HDAC8: variants seen among roughly 807,000 people sequenced by gnomAD.
HDAC8 encodes the protein histone deacetylase 8, also known as histone deacetylase-like 1.
A neutral mutation model predicts 32.2 loss-of-function variants in HDAC8; 1 was observed. The ratio of observed to expected loss-of-function variants is 0.03; its 90% CI spans 0.01 to 0.15. The LOEUF (loss-of-function observed/expected upper bound fraction) is 0.15, where lower values mean the gene tolerates loss of function less well. Ranked by LOEUF, HDAC8 falls within the 10% of genes least tolerant of loss-of-function variation. The pLI is 1.00. For synonymous variants in HDAC8, 108 were observed against 113.9 expected, an observed-to-expected ratio of 0.95 and a Z score of 0.33; for missense variants, 117 against 300.0, an observed-to-expected ratio of 0.39 and a Z score of 4.51.
At chrX:72,496,905 A>T (rs2049042263) in intron 4 of HDAC8, among the ~76,000 whole-genome samples, 1 of 112,153 alleles carries the variant, frequency 8.9e-6, no homozygotes, top group African/African-American at 3.2e-5. Flanking sequence ...CTCATTGACA[A>T]CATTGAGATT....
At chrX:72,525,048 C>T (rs1358528795) in intron 4 of HDAC8, among the ~76,000 whole-genome samples, 6 of 111,871 alleles carry the variant, frequency 5.4e-5, no homozygotes, top group Non-Finnish European at 1.9e-5. Context: ...GCGCAGTTCA[C>T]AATACACTTG....
At chrX:72,342,652 A>G (rs2043917020) in intron 10 of HDAC8, among the ~76,000 whole-genome samples, 1 of 112,090 alleles carries the variant, frequency 8.9e-6, no homozygotes, top group Non-Finnish European at 1.9e-5. Flanking sequence ...CACAAGAAAA[A>G]AATGCTTAAT....
chrX:72,443,609 C>T (rs1480060754), intron 9 of HDAC8, among the ~76,000 whole-genome samples: 4 of 111,065 alleles, frequency 3.6e-5, no homozygotes, highest in African/African-American at 9.9e-5. Context: ...GACACCCTAA[C>T]ATCACAATTA....
chrX:72,335,373 G>A (rs1487952515), intron 10 of HDAC8, among the ~76,000 whole-genome samples: 2 of 111,793 alleles, frequency 1.8e-5, no homozygotes, highest in African/African-American at 3.3e-5. Flanking sequence ...ACTGAAGCCC[G>A]GCAACCATCA....
intron 9 of HDAC8, among the ~76,000 whole-genome samples, chrX:72,363,574 T>C (rs782150791): frequency 9.2e-6 from 1 of 108,609 alleles, no homozygotes; most frequent in Admixed American, 9.8e-5. Flanking sequence ...CCAATGAACT[T>C]TTTTTTTTTC....
At chrX:72,372,438 G>T (rs2044908425) in intron 9 of HDAC8, among the ~76,000 whole-genome samples, 2 of 111,413 alleles carry the variant, frequency 1.8e-5, no homozygotes, top group African/African-American at 3.3e-5. Context: ...CTAGAACACA[G>T]TAGGGATCCT....
intron 9 of HDAC8, among the ~76,000 whole-genome samples, chrX:72,353,830 A>G (rs1555949640): frequency 8.9e-6 from 1 of 111,994 alleles, no homozygotes; most frequent in African/African-American, 3.2e-5. Context: ...TCAACGTGCT[A>G]TAAAGATCAG....
At chrX:72,495,594 C>A (rs1556012582) in intron 4 of HDAC8, among the ~76,000 whole-genome samples, 1 of 111,295 alleles carries the variant, frequency 9.0e-6, no homozygotes, top group Non-Finnish European at 1.9e-5. Flanking sequence ...ATTTGTATAC[C>A]CTGGGGTCAT....
intron 5 of HDAC8, among the ~76,000 whole-genome samples, chrX:72,491,830 A>C (rs1031381462): frequency 8.9e-6 from 1 of 111,832 alleles, no homozygotes; most frequent in African/African-American, 3.2e-5. Flanking sequence ...ACATATAGTC[A>C]CACTATGTTC....
At chrX:72,366,384 C>T (rs1372271529) in intron 9 of HDAC8, among the ~76,000 whole-genome samples, 1 of 111,900 alleles carries the variant, frequency 8.9e-6, no homozygotes, top group African/African-American at 3.3e-5. Context: ...GTGTCTCTCC[C>T]CACTCCTCTT....
At chrX:72,338,350 G>T (rs1174091061) in intron 10 of HDAC8, among the ~76,000 whole-genome samples, 2 of 110,737 alleles carry the variant, frequency 1.8e-5, no homozygotes, top group Non-Finnish European at 3.8e-5. Context: ...GAGGCTTAAA[G>T]CTTGGTCATT....
At chrX:72,474,685 G>A (rs781790535) in intron 7 of HDAC8, 20 of 1,203,116 alleles carry the variant, frequency 1.7e-5, no homozygotes, top group African/African-American at 1.2e-4. Flanking sequence ...GACAAGCTGC[G>A]GCAGCTGCTT....
intron 9 of HDAC8, among the ~76,000 whole-genome samples, chrX:72,400,281 G>T (rs1458281513): frequency 1.8e-5 from 2 of 111,691 alleles, no homozygotes; most frequent in Non-Finnish European, 3.8e-5. Flanking sequence ...TCCCAATTTT[G>T]TAATGCTAGT....
intron 9 of HDAC8, among the ~76,000 whole-genome samples, chrX:72,374,993 A>T (rs1352851156): frequency 2.7e-5 from 3 of 109,560 alleles, no homozygotes; most frequent in East Asian, 2.9e-4. Flanking sequence ...TAATTTTTAA[A>T]TTTTTTGTAG....
chrX:72,462,321 G>A (rs1359208120), intron 8 of HDAC8: 1 of 329,593 alleles, frequency 3.0e-6, no homozygotes, highest in Non-Finnish European at 5.3e-6. Context: ...TCCAAGGTCT[G>A]CAAAGATTAA....
At chrX:72,495,984 T>G (rs1291129402) in intron 4 of HDAC8, among the ~76,000 whole-genome samples, 16 of 112,062 alleles carry the variant, frequency 1.4e-4, no homozygotes, top group African/African-American at 5.2e-4. Context: ...TTTAACCCCT[T>G]GTCAAGGTTA....
chrX:72,365,535 G>A (rs1231685020), intron 9 of HDAC8, among the ~76,000 whole-genome samples: 2 of 111,388 alleles, frequency 1.8e-5, no homozygotes, highest in African/African-American at 6.5e-5. Flanking sequence ...GGAGATGGGA[G>A]GCAATTGAAC....
chrX:72,411,770 A>G (rs1489254392), intron 9 of HDAC8, among the ~76,000 whole-genome samples: 2 of 112,284 alleles, frequency 1.8e-5, no homozygotes, highest in Non-Finnish European at 3.8e-5. Flanking sequence ...CTTGTAGTAT[A>G]AAATATTAAC....
At chrX:72,487,663 C>T (rs2048722159) in intron 7 of HDAC8, among the ~76,000 whole-genome samples, 1 of 106,807 alleles carries the variant, frequency 9.4e-6, no homozygotes, top group Admixed American at 1.0e-4. Context: ...CAATTAAGAC[C>T]CAGGAAAGGG....
Sources: allele counts gnomAD v4.1 joint callset (sites outside exome capture counted in the v4.1 genomes callset), GRCh38; gene constraint gnomAD v4.1.1; transcripts MANE v1.5; gene names NCBI Gene and HGNC (gene_info 2026-07-23, HGNC 2026-07-21).